The following LRRFIP2 variants were observed in gnomAD, a reference collection of about 807,000 sequenced individuals.
LRRFIP2 encodes leucine-rich repeat flightless-interacting protein 2.
In LRRFIP2, 109 loss-of-function variants were observed where a neutral mutation model predicts 125.9. That is an observed-to-expected ratio of 0.87 (90% confidence interval 0.74 to 1.01). LRRFIP2 has a LOEUF of 1.01. Among genes scored for constraint, LRRFIP2 ranks in the 50% least tolerant of loss-of-function variants. The pLI, the probability that LRRFIP2 is intolerant of heterozygous loss-of-function variation, is 0.00. For synonymous variants in LRRFIP2, 291 were observed against 293.1 expected (o/e 0.99, Z 0.07); for missense variants, 850 against 862.3 (o/e 0.99, Z 0.18).
intron 1 of LRRFIP2, among the ~76,000 whole-genome samples, chr3:37,150,364 G>T (rs748843492): frequency 6.6e-6 from 1 of 151,936 alleles, no homozygotes; most frequent in Non-Finnish European, 1.5e-5. Context: ...TGGGAGGCTG[G>T]GGCAGGAGAA....
chr3:37,081,467 T>C (rs2092631432), intron 19 of LRRFIP2, among the ~76,000 whole-genome samples: 1 of 152,138 alleles, frequency 6.6e-6, no homozygotes, highest in Non-Finnish European at 1.5e-5. Context: ...AAGCAATAGT[T>C]GTTTAGAACA....
chr3:37,173,209 A>C (rs1434601629), intron 1 of LRRFIP2, among the ~76,000 whole-genome samples: 2 of 151,502 alleles, frequency 1.3e-5, no homozygotes, highest in Non-Finnish European at 2.9e-5. Context: ...AAAAAAAAAA[A>C]GTTGAGTTTC....
intron 18 of LRRFIP2, among the ~76,000 whole-genome samples, chr3:37,087,142 G>A (rs113065131): frequency 8.5e-4 from 130 of 152,136 alleles, no homozygotes; most frequent in African/African-American, 3.1e-3. Context: ...GAGTCACCAC[G>A]CCTGGCCACA....
intron 23 of LRRFIP2, chr3:37,065,309 C>G (rs1393888479): frequency 3.9e-6 from 1 of 257,542 alleles, no homozygotes; most frequent in Admixed American, 4.3e-5. Flanking sequence ...CTTTAAGAGT[C>G]TGGGAAGCCC....
chr3:37,171,814 T>C (rs1169559304), intron 1 of LRRFIP2, among the ~76,000 whole-genome samples: 3 of 152,254 alleles, frequency 2.0e-5, no homozygotes, highest in African/African-American at 4.8e-5. Flanking sequence ...ATGCTTTTAA[T>C]TGATACTGGT....
At chr3:37,090,398 T>G (rs1232912250) in intron 18 of LRRFIP2, among the ~76,000 whole-genome samples, 1 of 152,010 alleles carries the variant, frequency 6.6e-6, no homozygotes, top group African/African-American at 2.4e-5. Context: ...CTGGTGAATT[T>G]TTTGTATTTT....
At chr3:37,079,615 C>A (rs1392832919) in intron 19 of LRRFIP2, among the ~76,000 whole-genome samples, 3 of 152,000 alleles carry the variant, frequency 2.0e-5, no homozygotes, top group African/African-American at 7.3e-5. Flanking sequence ...CAAAAAACAA[C>A]CTGTATACAA....
chr3:37,148,870 T>C, intron 2 of LRRFIP2, 24 bp downstream of exon 2: 1 of 1,613,748 alleles, frequency 6.2e-7, no homozygotes, highest in African/African-American at 1.3e-5. Context: ...AACTCAGTGT[T>C]GAGAGGGGAT....
At chr3:37,148,805 A>G in intron 2 of LRRFIP2, 89 bp downstream of exon 2, 1 of 1,403,804 alleles carries the variant, frequency 7.1e-7, no homozygotes, top group Non-Finnish European at 9.9e-7. Flanking sequence ...AAACTAGTTC[A>G]ATGAGTAAAC....
chr3:37,054,359 G>C, intron 27 of LRRFIP2, 52 bp downstream of exon 27: 1 of 1,407,428 alleles, frequency 7.1e-7, no homozygotes, highest in Non-Finnish European at 9.9e-7. Flanking sequence ...ATTTCCAGAA[G>C]ATTTTTTCTT....
chr3:37,150,469 T>C (rs980171977), intron 1 of LRRFIP2, among the ~76,000 whole-genome samples: 24 of 151,530 alleles, frequency 1.6e-4, no homozygotes, highest in African/African-American at 5.8e-4. Flanking sequence ...TCTCGAAATA[T>C]AAAAAAAAGA....
At chr3:37,165,037 C>A (rs958742876) in intron 1 of LRRFIP2, among the ~76,000 whole-genome samples, 2 of 151,674 alleles carry the variant, frequency 1.3e-5, no homozygotes, top group Non-Finnish European at 2.9e-5. Flanking sequence ...AGATCGAGAC[C>A]ATCCTGGCTA....
At chr3:37,167,925 G>A (rs1372567893) in intron 1 of LRRFIP2, among the ~76,000 whole-genome samples, 2 of 152,178 alleles carry the variant, frequency 1.3e-5, no homozygotes, top group Non-Finnish European at 2.9e-5. Flanking sequence ...ACAGTGAGCT[G>A]TGGTCGGGCC....
chr3:37,137,655 T>C (rs2095591683), intron 2 of LRRFIP2, among the ~76,000 whole-genome samples: 1 of 152,128 alleles, frequency 6.6e-6, no homozygotes, highest in Non-Finnish European at 1.5e-5. Flanking sequence ...TACACAGCCT[T>C]TACTCTCATT....
rs1327802040 is a variant in LRRFIP2, at chr3:37,174,535, A to G, written c.-56+4T>C. ...GCAAATTCTTTCAGTGAACATTTTC[A>G]TACCTTAGTGATGGTAGCTCTCCTT... On this transcript the variant is annotated splice_donor_region_variant and intron_variant, in intron 1 of 27. Transcript: ENST00000336686. The G allele has an allele frequency of 6.6e-6, 1 of 152,152 alleles. No individual in the cohort carries two copies. The highest frequency in any genetic ancestry group is 2.4e-5 in the African/African-American group (1 of 41,440). 9.4% of individuals were successfully genotyped at this position (152,152 alleles called of 1,614,324 possible).
chr3:37,119,724 G>A (rs572103498), intron 6 of LRRFIP2, among the ~76,000 whole-genome samples: 11 of 152,114 alleles, frequency 7.2e-5, no homozygotes, highest in South Asian at 2.1e-4. Flanking sequence ...GCGGTGGCAC[G>A]ATCTCAGCTC....
At chr3:37,096,844 T>A (rs1453825893) in intron 15 of LRRFIP2, among the ~76,000 whole-genome samples, 184 bp from the exon 16 acceptor site, 1 of 152,106 alleles carries the variant, frequency 6.6e-6, no homozygotes. Flanking sequence ...TTAATTTTTA[T>A]CCTAAGGGAG....
At chr3:37,072,990 G>A in intron 20 of LRRFIP2, 108 bp from the exon 21 acceptor site, 1 of 694,912 alleles carries the variant, frequency 1.4e-6, no homozygotes, top group Non-Finnish European at 2.4e-6. Flanking sequence ...TAACCAAAAG[G>A]GAAAGTCTGT....
At chr3:37,115,312 T>C (rs2094729977) in intron 6 of LRRFIP2, among the ~76,000 whole-genome samples, 2 of 152,258 alleles carry the variant, frequency 1.3e-5, no homozygotes, top group African/African-American at 4.8e-5. Context: ...TTCAAAACTG[T>C]ATGTTTATTT....
Sources: gnomAD v4.1 joint callset for allele counts (sites outside exome capture counted in the v4.1 genomes callset) on GRCh38, gnomAD v4.1.1 for gene constraint, MANE v1.5 for transcripts, NCBI Gene and HGNC (gene_info 2026-07-23, HGNC 2026-07-21) for gene names.